The following ADAMTSL1 variants were observed in gnomAD, a reference collection of about 807,000 sequenced individuals.
The protein encoded by ADAMTSL1 is ADAMTS-like protein 1.
A neutral mutation model predicts 201.8 loss-of-function variants in ADAMTSL1; 126 were observed. That is an observed-to-expected ratio of 0.62 (90% CI 0.54 to 0.72). ADAMTSL1 has a LOEUF of 0.72. ADAMTSL1 is among the 30% of genes least tolerant of loss of function. The pLI, the probability that ADAMTSL1 is intolerant of heterozygous loss-of-function variation, is 0.00. For missense variants in ADAMTSL1, 2,679 were observed against 2,277.8 expected (o/e 1.18, Z -3.59); for synonymous variants, 1,121 against 903.4 (o/e 1.24, Z -4.32).
intron 4 of ADAMTSL1, among the ~76,000 whole-genome samples, chr9:18,595,932 G>T (rs1824235226): frequency 6.6e-6 from 1 of 152,164 alleles, no homozygotes; most frequent in African/African-American, 2.4e-5. Context: ...GCTCTGCTAG[G>T]CTTTCACAGA....
chr9:18,634,695 A>T (rs9407925), intron 5 of ADAMTSL1, among the ~76,000 whole-genome samples: 1 of 150,714 alleles, frequency 6.6e-6, no homozygotes, highest in Non-Finnish European at 1.5e-5. Flanking sequence ...AAAATTAGTC[A>T]GGCGTGATGG....
At chr9:18,432,081 C>T (rs1238551271) in intron 2 of ADAMTSL1, among the ~76,000 whole-genome samples, 1 of 152,178 alleles carries the variant, frequency 6.6e-6, no homozygotes, top group East Asian at 1.9e-4. Context: ...ACATATATCT[C>T]TTTAAAGAGG....
At chr9:18,152,126 T>C (rs1027480078) in intron 1 of ADAMTSL1, among the ~76,000 whole-genome samples, 1 of 152,096 alleles carries the variant, frequency 6.6e-6, no homozygotes, top group Non-Finnish European at 1.5e-5. Context: ...GGACCTAAGA[T>C]TCAGTTTCAG....
intron 1 of ADAMTSL1, among the ~76,000 whole-genome samples, chr9:18,004,371 G>A (rs568503893): frequency 1.3e-5 from 2 of 152,116 alleles, no homozygotes; most frequent in South Asian, 2.1e-4. Flanking sequence ...CAGATTCAGA[G>A]CTCCTTCTGC....
intron 2 of ADAMTSL1, among the ~76,000 whole-genome samples, chr9:18,214,034 G>C (rs534090696): frequency 7.9e-5 from 12 of 152,054 alleles, no homozygotes; most frequent in Non-Finnish European, 1.6e-4. Flanking sequence ...ACCGCCCCTC[G>C]CCCAAAGAAA....
At chr9:18,887,029 T>G (rs1158386796) in intron 23 of ADAMTSL1, among the ~76,000 whole-genome samples, 1 of 152,128 alleles carries the variant, frequency 6.6e-6, no homozygotes. Flanking sequence ...AATCTATAGA[T>G]TCTTTAATTT....
intron 23 of ADAMTSL1, among the ~76,000 whole-genome samples, chr9:18,886,791 A>G (rs1221381159): frequency 1.3e-5 from 2 of 152,236 alleles, no homozygotes; most frequent in East Asian, 3.8e-4. Context: ...TTAGAATTCA[A>G]TATGAATCTA....
intron 9 of ADAMTSL1, among the ~76,000 whole-genome samples, chr9:18,674,212 A>ACG (rs1455275836): frequency 1.4e-5 from 2 of 144,672 alleles, no homozygotes; most frequent in Non-Finnish European, 3.0e-5. Flanking sequence ...ACACACACAC[A>ACG]CACACACACA....
chr9:18,853,498 G>T (rs1215689202), intron 23 of ADAMTSL1, among the ~76,000 whole-genome samples: 1 of 152,218 alleles, frequency 6.6e-6, no homozygotes, highest in Non-Finnish European at 1.5e-5. Flanking sequence ...ACAGGTCCAA[G>T]AGGAGTCATT....
At chr9:18,883,694 C>T (rs1828684178) in intron 23 of ADAMTSL1, among the ~76,000 whole-genome samples, 1 of 152,110 alleles carries the variant, frequency 6.6e-6, no homozygotes, top group African/African-American at 2.4e-5. Flanking sequence ...ATCTGACTTC[C>T]TTCATTTAGC....
chr9:18,863,543 G>A lies in ADAMTSL1; in HGVS notation c.4250-24288G>A, dbSNP rs529959742. ...AGCTTATTGGGAGGTCCCAGAAATC[G>A]GAGTGAAAATTAAAGTTGCTTGTCT... On this transcript the variant is annotated intron_variant, in intron 23 of 28. Transcript: ENST00000380548. Among the ~76,000 whole-genome samples, 8 of 152,272 alleles carry A rather than the reference G, an allele frequency of 5.3e-5. No homozygotes were observed. In the East Asian group the frequency reaches 1.3e-3, roughly 26 times the overall value.
intron 1 of ADAMTSL1, among the ~76,000 whole-genome samples, chr9:18,038,806 C>G (rs1260289667): frequency 6.6e-6 from 1 of 152,162 alleles, no homozygotes; most frequent in African/African-American, 2.4e-5. Context: ...TGTGCTTGTT[C>G]CACTTCTCCA....
chr9:18,125,746 A>C (rs59290996), intron 1 of ADAMTSL1, among the ~76,000 whole-genome samples: 10,754 of 152,182 alleles, frequency 0.071, 1,109 homozygotes, highest in African/African-American at 0.23. Flanking sequence ...AATGTAAAGA[A>C]CTTTTCTATA....
chr9:18,368,519 G>A (rs992976537), intron 2 of ADAMTSL1, among the ~76,000 whole-genome samples: 5 of 152,170 alleles, frequency 3.3e-5, no homozygotes, highest in African/African-American at 7.2e-5. Context: ...TACAGAAGAG[G>A]AAATTGACTC....
At chr9:17,959,401 G>A (rs1044718390) in intron 1 of ADAMTSL1, among the ~76,000 whole-genome samples, 3 of 151,834 alleles carry the variant, frequency 2.0e-5, no homozygotes, top group African/African-American at 4.8e-5. Flanking sequence ...AGCTTTACTG[G>A]GTATTTGAAA....
chr9:18,381,125 T>A (rs1330343628), intron 2 of ADAMTSL1, among the ~76,000 whole-genome samples: 1 of 152,194 alleles, frequency 6.6e-6, no homozygotes, highest in African/African-American at 2.4e-5. Flanking sequence ...TGCTTTGGGG[T>A]GAAATGATAA....
At chr9:18,430,044 C>G (rs1044573266) in intron 2 of ADAMTSL1, among the ~76,000 whole-genome samples, 2 of 152,104 alleles carry the variant, frequency 1.3e-5, no homozygotes, top group Non-Finnish European at 2.9e-5. Context: ...CCCATGTCAG[C>G]CTCCCAAAGT....
At chr9:18,568,681 G>A (rs935928987) in intron 3 of ADAMTSL1, among the ~76,000 whole-genome samples, 1 of 151,388 alleles carries the variant, frequency 6.6e-6, no homozygotes, top group African/African-American at 2.4e-5. Context: ...GCAGTATGGG[G>A]TTTAAGTACA....
intron 9 of ADAMTSL1, among the ~76,000 whole-genome samples, chr9:18,662,321 T>G (rs1434767008): frequency 6.6e-6 from 1 of 152,086 alleles, no homozygotes; most frequent in Non-Finnish European, 1.5e-5. Context: ...CTCTTCAGAG[T>G]CATTTTCTCT....
Sources: gnomAD v4.1 joint callset for allele counts (sites outside exome capture counted in the v4.1 genomes callset) on GRCh38, gnomAD v4.1.1 for gene constraint, MANE v1.5 for transcripts, NCBI Gene and HGNC (gene_info 2026-07-23, HGNC 2026-07-21) for gene names.